The following AADAT variants were observed in gnomAD, a reference collection of about 807,000 sequenced individuals.
The protein encoded by AADAT is aminoadipate aminotransferase.
A neutral mutation model predicts 56.2 loss-of-function variants in AADAT; 25 were observed. The ratio of observed to expected loss-of-function variants is 0.44; its 90% CI spans 0.32 to 0.62. The LOEUF (loss-of-function observed/expected upper bound fraction) is 0.62, where lower values mean the gene tolerates loss of function less well. Among genes scored for constraint, AADAT ranks in the 20% least tolerant of loss-of-function variants. The probability of loss-of-function intolerance (pLI) is 0.04; values close to 1 mark genes in which losing one functional copy is unlikely to be tolerated. For synonymous variants in AADAT, 173 were observed against 164.7 expected (o/e 1.05, Z -0.39); for missense variants, 387 against 510.5 (o/e 0.76, Z 2.33).
intron 3 of AADAT, among the ~76,000 whole-genome samples, chr4:170,079,230 T>C (rs1027469552): frequency 6.6e-6 from 1 of 152,338 alleles, no homozygotes; most frequent in East Asian, 1.9e-4. Context: ...GAGGAAGCGA[T>C]GAGTTGGTGT....
At chr4:170,068,531 AT>A in intron 8 of AADAT, 59 bp downstream of exon 8, 1 of 1,332,172 alleles carries the variant, frequency 7.5e-7, no homozygotes, top group Non-Finnish European at 1.0e-6. Context: ...ACCATCTATT[AT>A]TTTTTTAAAA....
rs753985591 is a variant in AADAT at position 170,061,851 on chromosome 4, A to G, written c.1236+41T>C. On this transcript the variant is annotated intron_variant, in intron 12 of 12. Transcript: ENST00000337664. Reference sequence around the variant, plus strand: ...TATACACGTGCATTAAAAAAACAGAACTGCTAGCTAGTGTTACTCTGAGGA... The same window carrying G: ...TATACACGTGCATTAAAAAAACAGAGCTGCTAGCTAGTGTTACTCTGAGGA... The G allele has an allele frequency of 2.1e-6, 3 of 1,451,250 alleles. No individual in the cohort carries two copies. In the East Asian group the frequency reaches 6.9e-5, roughly 33 times the overall value. 89.9% of individuals were successfully genotyped at this position (1,451,250 alleles called of 1,614,324 possible). A position where few individuals can be genotyped will look rare whatever the true frequency, so the allele number is the denominator to read the frequency against.
intron 4 of AADAT, among the ~76,000 whole-genome samples, chr4:170,076,956 GAA>G (rs1437688306): frequency 6.6e-6 from 1 of 152,150 alleles, no homozygotes; most frequent in Non-Finnish European, 1.5e-5. Context: ...CACCACAGTT[GAA>G]GAGACTATCC....
chr4:170,085,819 A>G (rs1732532955), intron 3 of AADAT, among the ~76,000 whole-genome samples: 1 of 152,112 alleles, frequency 6.6e-6, no homozygotes, highest in Admixed American at 6.6e-5. Context: ...TACTACTGTA[A>G]CCCATTATTC....
intron 3 of AADAT, among the ~76,000 whole-genome samples, chr4:170,079,156 C>CAATG (rs1246950934): frequency 6.6e-6 from 1 of 152,168 alleles, no homozygotes; most frequent in Non-Finnish European, 1.5e-5. Flanking sequence ...TACAGATGCA[C>CAATG]AATGACATAA....
rs114654144 is a variant in AADAT, at chr4:170,077,034, A to T, written c.444+1475T>A. On this transcript the variant is annotated intron_variant, in intron 4 of 12. Transcript: ENST00000337664. ...ACTGGATTTGTGGGTTTATTTCTGGATGCTCAGTTCTATTCTATTGGTCTA... is the reference window on the plus strand; with the variant it reads ...ACTGGATTTGTGGGTTTATTTCTGGTTGCTCAGTTCTATTCTATTGGTCTA... Among the ~76,000 whole-genome samples, 959 of 152,224 alleles carry T rather than the reference A, an allele frequency of 6.3e-3. 10 individuals carry two copies. The highest frequency in any genetic ancestry group is 0.022 in the African/African-American group (910 of 41,530).
chr4:170,073,071 G>A (rs1731851282), intron 5 of AADAT, 65 bp downstream of exon 5: 6 of 1,479,530 alleles, frequency 4.1e-6, no homozygotes, highest in Non-Finnish European at 4.7e-6. Flanking sequence ...AGCTTGCATA[G>A]TGCTCTTCTA....
At chr4:170,080,182 C>A (rs1732227284) in intron 3 of AADAT, among the ~76,000 whole-genome samples, 1 of 152,180 alleles carries the variant, frequency 6.6e-6, no homozygotes, top group African/African-American at 2.4e-5. Flanking sequence ...CTAAAATTTA[C>A]ACCAGAAACA....
chr4:170,091,933 C>T (rs1581605226), upstream of AADAT, among the ~76,000 whole-genome samples: 1 of 152,308 alleles, frequency 6.6e-6, no homozygotes, highest in East Asian at 1.9e-4. Flanking sequence ...CTGTATCTAG[C>T]TCAGGGTTTG....
chr4:170,079,724 G>A (rs1322483983), intron 3 of AADAT, among the ~76,000 whole-genome samples: 1 of 152,102 alleles, frequency 6.6e-6, no homozygotes, highest in Non-Finnish European at 1.5e-5. Flanking sequence ...TGGTGGGGGT[G>A]GTGCCATTCA....
intron 1 of AADAT, chr4:170,089,328 C>G: frequency 1.7e-6 from 1 of 574,540 alleles, no homozygotes; most frequent in Non-Finnish European, 3.2e-6. Flanking sequence ...CAGGAAGAGC[C>G]TTTCTTGATA....
intron 9 of AADAT, among the ~76,000 whole-genome samples, chr4:170,067,033 T>A (rs1329127448): frequency 6.6e-6 from 1 of 152,238 alleles, no homozygotes; most frequent in Non-Finnish European, 1.5e-5. Flanking sequence ...TTTATATGTA[T>A]GAAGTTTACC....
At chr4:170,085,898 G>T (rs963025324) in intron 3 of AADAT, among the ~76,000 whole-genome samples, 1 of 151,926 alleles carries the variant, frequency 6.6e-6, no homozygotes, top group African/African-American at 2.4e-5. Context: ...CCATGAAAAA[G>T]AAAACTACTC....
chr4:170,078,784 T>A (rs1277203884), intron 3 of AADAT, among the ~76,000 whole-genome samples: 1 of 152,130 alleles, frequency 6.6e-6, no homozygotes, highest in Non-Finnish European at 1.5e-5. Flanking sequence ...GCCTCTATAG[T>A]GAAAAAGTAG....
At chr4:170,092,308 T>C (rs967570296), upstream of AADAT, among the ~76,000 whole-genome samples, 7 of 152,238 alleles carry the variant, frequency 4.6e-5, no homozygotes, top group Non-Finnish European at 8.8e-5. Flanking sequence ...GTTTCTCTCC[T>C]GAGGCCGTGG....
chr4:170,069,220 G>A lies in AADAT; in HGVS notation c.731C>T (p.Pro244Leu), dbSNP rs1731639209. Residue 244 changes from proline to leucine, a missense_variant, in exon 7 of 13, where the codon CCA (proline) becomes CTA (leucine). Physicochemically the swap from Pro to Leu is moderately conservative, Grantham distance 98 (BLOSUM62 -3). Transcript: ENST00000337664. ...YFLQFNKFRV[P>L]TFLSMDVDGR... ...ATCAACATCCATGGAAAGAAATGTT[G>A]GTACCCTGAACTTAAAATGAAAAAT... is the stretch of plus-strand genomic sequence containing the variant. 1.2e-6 allele frequency: 2 copies of A among 1,613,282 alleles called. No individual in the cohort carries two copies. The highest frequency in any genetic ancestry group is 1.3e-5 in the African/African-American group (1 of 74,868).
In AADAT at chr4:170,076,847, T is replaced by G. The variant is rs867451441; in HGVS notation, c.444+1662A>C. Among the ~76,000 whole-genome samples, 4 of 152,306 alleles carry G rather than the reference T, an allele frequency of 2.6e-5. No individual in the cohort carries two copies. The Middle Eastern group carries it at 0.01, about 389-fold the overall frequency. ...CCTAAGTGTTTGTAGTTTTAGCCCT[T>G]ATATTTAGGTCTTTGATCCATTTTG... On this transcript the variant is annotated intron_variant, in intron 4 of 12. Transcript: ENST00000337664.
At chr4:170,068,854 G>C (rs1731614109) in intron 7 of AADAT, among the ~76,000 whole-genome samples, 167 bp from the exon 8 acceptor site, 1 of 152,116 alleles carries the variant, frequency 6.6e-6, no homozygotes, top group African/African-American at 2.4e-5. Flanking sequence ...ACAAATTTAA[G>C]TGTACATTTA....
In AADAT at chr4:170,069,070, T is replaced by A. The variant is rs1731629425; in HGVS notation, c.803+78A>T. The A allele has an allele frequency of 3.2e-6, 4 of 1,248,888 alleles. No individual in the cohort carries two copies. The South Asian group carries it at 5.9e-5, about 18-fold the overall frequency. The allele number at this position is 1,248,888 out of a possible 1,614,324, so 77.4% of individuals were successfully genotyped here. On this transcript the variant is annotated intron_variant, in intron 7 of 12. Transcript: ENST00000337664. Reference sequence around the variant, plus strand: ...TACAAGCATTTTAAGTGAAAAAAATTGTCTAGACTAAAAGATACTGAGGTA... The same window carrying A: ...TACAAGCATTTTAAGTGAAAAAAATAGTCTAGACTAAAAGATACTGAGGTA...
Sources: allele counts gnomAD v4.1 joint callset (sites outside exome capture counted in the v4.1 genomes callset), GRCh38; gene constraint gnomAD v4.1.1; transcripts MANE v1.5; gene names NCBI Gene and HGNC (gene_info 2026-07-23, HGNC 2026-07-21).